The following ATRX variants were observed in gnomAD, a reference collection of about 807,000 sequenced individuals.
ATRX encodes the protein ATRX chromatin remodeler.
ATRX carries 12 observed loss-of-function variants against 172.6 expected under a neutral mutation model. The observed-to-expected ratio is 0.07, with a 90% CI of 0.04 to 0.11. ATRX has a LOEUF of 0.11. Among genes scored for constraint, ATRX ranks in the 10% least tolerant of loss-of-function variants. The pLI is 1.00. For missense variants in ATRX, 1,368 were observed against 1,767.4 expected, an observed-to-expected ratio of 0.77 and a Z score of 4.05; for synonymous variants, 674 against 594.7, an observed-to-expected ratio of 1.13 and a Z score of -1.94.
chrX:77,727,272 C>T (rs1187866628), intron 1 of ATRX, among the ~76,000 whole-genome samples: 2 of 111,707 alleles, frequency 1.8e-5, no homozygotes, highest in East Asian at 2.8e-4. Flanking sequence ...GACAGTGTGA[C>T]GATTCCACAA....
At chrX:77,734,830 G>A (rs782511314) in intron 1 of ATRX, among the ~76,000 whole-genome samples, 2 of 109,521 alleles carry the variant, frequency 1.8e-5, no homozygotes, top group South Asian at 4.0e-4. Flanking sequence ...AATGGTGCTG[G>A]CCCGGCACGG....
At chrX:77,753,441 G>A (rs1557188557) in intron 1 of ATRX, among the ~76,000 whole-genome samples, 2 of 111,040 alleles carry the variant, frequency 1.8e-5, no homozygotes, top group African/African-American at 6.6e-5. Flanking sequence ...TTTTTGGAGA[G>A]GTTTTCATGT....
intron 1 of ATRX, among the ~76,000 whole-genome samples, chrX:77,782,509 G>A (rs1557206007): frequency 1.8e-5 from 2 of 112,134 alleles, no homozygotes; most frequent in Non-Finnish European, 3.8e-5. Context: ...AGCACTTTGG[G>A]AGGCAGAGGC....
chrX:77,552,876 AAAG>A, intron 30 of ATRX, among the ~76,000 whole-genome samples: 1 of 111,471 alleles, frequency 9.0e-6, no homozygotes, highest in East Asian at 2.8e-4. Flanking sequence ...AGTAAGTTAA[AAAG>A]AAGTGCTTTC....
rs781992894 is a variant in ATRX, at chrX:77,681,986, C to G, written c.3270G>C (p.Glu1090Asp). The change falls in exon 9 of 35, where the codon GAG (glutamate) becomes GAC (aspartate). Residue 1090 changes from glutamate (E) to aspartate (D), a missense_variant. Around this residue, in one of 17 missense-constraint regions of ATRX, gnomAD observed 843 missense variants for 643.1 expected, o/e 1.31. Transcript: ENST00000373344. The stretch of plus-strand genomic sequence containing the variant: ...TTCCAAGCAACTTGCACCTTTTCTT[C>G]TCTCTACCATATGCTCCATTCTTAC... Reference protein sequence around the residue: ...KKSKNGAYGREKKRCKLLGKS... With the variant: ...KKSKNGAYGRDKKRCKLLGKS... 7 of 1,208,613 alleles carry G rather than the reference C, an allele frequency of 5.8e-6. No individual in the cohort carries two copies. The highest frequency in any genetic ancestry group is 7.8e-6 in the Non-Finnish European group (7 of 894,358).
At chrX:77,765,899 G>C (rs1453527589) in intron 1 of ATRX, among the ~76,000 whole-genome samples, 1 of 108,208 alleles carries the variant, frequency 9.2e-6, no homozygotes, top group Non-Finnish European at 1.9e-5. Flanking sequence ...GATTCTTAAC[G>C]AGCATGCTGC....
At chrX:77,554,115 G>C (rs782604868) in intron 30 of ATRX, among the ~76,000 whole-genome samples, 1 of 110,972 alleles carries the variant, frequency 9.0e-6, no homozygotes, top group Non-Finnish European at 1.9e-5. Context: ...GACCAGCCTG[G>C]CCAACATGGT....
At chrX:77,616,281 GTAAATACT>G in intron 22 of ATRX, 1 of 892,967 alleles carries the variant, frequency 1.1e-6, no homozygotes, top group East Asian at 6.2e-5. Flanking sequence ...ATTAATGTGG[GTAAATACT>G]TTTTAAAAAA....
chrX:77,743,955 C>G (rs1406163315), intron 1 of ATRX, among the ~76,000 whole-genome samples: 2 of 112,226 alleles, frequency 1.8e-5, no homozygotes, highest in East Asian at 2.8e-4. Flanking sequence ...CTTCAGCCTC[C>G]ACAAATAAAC....
Position 77,508,198 on chromosome X carries a change from AT to A in ATRX, c.*152del. 3 of 655,574 alleles carry A rather than the reference AT, an allele frequency of 4.6e-6. No individual in the cohort carries two copies. The highest frequency in any genetic ancestry group is 6.7e-6 in the Non-Finnish European group (3 of 447,195). The allele number at this position is 655,574 out of a possible 1,213,427, so 54.0% of individuals were successfully genotyped here. A position where few individuals can be genotyped will look rare whatever the true frequency, so the allele number is the denominator to read the frequency against. On this transcript the variant is annotated 3_prime_UTR_variant, in exon 35 of 35. Transcript: ENST00000373344. ...ATGTCAGGAAGAAATGGTATGCCCT[AT>A]TTAAAAAAAAAAAAAGTAAAACTAA...
rs782123499 is a variant in ATRX, at chrX:77,600,575, G to C, written c.5567-11C>G. ...TATTATTGCCCACACCTGATCAAAA[G>C]AAATATGGTTAAAGACACAAAAATT... On this transcript the variant is annotated splice_polypyrimidine_tract_variant and intron_variant, in intron 22 of 34. Transcript: ENST00000373344. The C allele has an allele frequency of 2.5e-6, 3 of 1,209,148 alleles. No homozygotes were observed. In the South Asian group the frequency reaches 5.3e-5, roughly 21 times the overall value.
At chrX:77,772,879 GCT>G (rs1422003739) in intron 1 of ATRX, among the ~76,000 whole-genome samples, 1 of 102,270 alleles carries the variant, frequency 9.8e-6, no homozygotes, top group Admixed American at 1.1e-4. Flanking sequence ...ACGGGGTCTT[GCT>G]CTGTCTCCCA....
Position 77,617,669 on chromosome X carries a change from C to T in ATRX, c.5449-939G>A, listed in dbSNP as rs781852910. ...TAGGAAATAATGACAAGAAAAAAGT[C>T]TGTACATGTTCAGTACAGACACAAT... On this transcript the variant is annotated intron_variant, in intron 21 of 34. Transcript: ENST00000373344. Among the ~76,000 whole-genome samples the T allele has an allele frequency of 3.6e-5, 4 of 111,218 alleles. No homozygotes were observed. The South Asian group carries it at 1.5e-3, about 43-fold the overall frequency.
At chrX:77,623,737 G>C (rs1482803824) in intron 19 of ATRX, among the ~76,000 whole-genome samples, 1 of 111,812 alleles carries the variant, frequency 8.9e-6, no homozygotes, top group Non-Finnish European at 1.9e-5. Flanking sequence ...GGGATGCAGG[G>C]ATGGTTTAAC....
At position 77,622,659 on chromosome X, in the gene ATRX, T is replaced by G. The variant is rs781916649; in HGVS notation, c.5135-2127A>C. Among the ~76,000 whole-genome samples, 6 of 111,516 alleles carry G rather than the reference T, an allele frequency of 5.4e-5. No homozygotes were observed. In the South Asian group the frequency reaches 2.3e-3, roughly 42 times the overall value. On this transcript the variant is annotated intron_variant, in intron 19 of 34. Transcript: ENST00000373344. ...CTCCGGGGAGGGCGCAAATCCAGAT[T>G]GCAGACTTCACAGGTGGGGGATGAA...
chrX:77,725,051 C>T (rs988510187), intron 1 of ATRX, among the ~76,000 whole-genome samples: 2 of 111,910 alleles, frequency 1.8e-5, no homozygotes, highest in Non-Finnish European at 3.8e-5. Context: ...CTCTCTTCCT[C>T]CCTCTACAAA....
chrX:77,733,017 C>T (rs565197555), intron 1 of ATRX, among the ~76,000 whole-genome samples: 9 of 111,959 alleles, frequency 8.0e-5, no homozygotes, highest in Non-Finnish European at 1.5e-4. Context: ...AACCTACAGA[C>T]TCTACAAAAA....
At chrX:77,542,097 T>C (rs1272812960) in intron 30 of ATRX, among the ~76,000 whole-genome samples, 3 of 112,214 alleles carry the variant, frequency 2.7e-5, no homozygotes, top group Non-Finnish European at 5.6e-5. Flanking sequence ...CTCCTTAAGC[T>C]GATAAGCAAC....
intron 30 of ATRX, among the ~76,000 whole-genome samples, chrX:77,539,007 G>T (rs2063864684): frequency 9.3e-6 from 1 of 107,762 alleles, no homozygotes; most frequent in South Asian, 4.2e-4. Context: ...CAATTCTACT[G>T]CCTCAGCCTC....
Sources: gnomAD v4.1 joint callset for allele counts (sites outside exome capture counted in the v4.1 genomes callset) on GRCh38, gnomAD v4.1.1 for gene constraint, gnomAD v4.1.1 regional missense constraint, MANE v1.5 for transcripts, NCBI Gene and HGNC (gene_info 2026-07-23, HGNC 2026-07-21) for gene names.